Variants in TMEM176B observed in about 807,000 individuals in gnomAD.
TMEM176B encodes the protein transmembrane protein 176B, also known as LR8-like protein.
TMEM176B carries 28 observed loss-of-function variants against 30.3 expected under a neutral mutation model. That is an observed-to-expected ratio of 0.92 (90% confidence interval 0.68 to 1.27). The LOEUF is 1.27. TMEM176B is among the 50% of genes most tolerant of loss of function. TMEM176B has a pLI of 0.00. For synonymous variants in TMEM176B, 123 were observed against 130.3 expected, an observed-to-expected ratio of 0.94 and a Z score of 0.38; for missense variants, 349 against 327.4, an observed-to-expected ratio of 1.07 and a Z score of -0.51.
rs200612728 is a variant in TMEM176B, at chr7:150,792,025, G to A, written c.720+31C>T. On this transcript the variant is annotated intron_variant, in intron 6 of 6. Coordinates refer to ENST00000326442, the MANE Select transcript of TMEM176B (RefSeq NM_001101312.2). ...CCACACACTCACCACCCAGACTCAC[G>A]CTGCCCAGAGGCCCCTCCCCGACAA... 3.2e-5 allele frequency: 52 copies of A among 1,611,648 alleles called. No homozygotes were observed. The Middle Eastern group carries it at 4.9e-4, about 15-fold the overall frequency.
At chr7:150,796,296 G>T in intron 2 of TMEM176B, 70 bp downstream of exon 2, 9 of 1,437,986 alleles carry the variant, frequency 6.3e-6, no homozygotes, top group Non-Finnish European at 8.7e-6. Context: ...TTGAAGATTT[G>T]GCTCTATATT....
Position 150,793,073 on chromosome 7 carries a change from A to G in TMEM176B, c.600+15T>C. On this transcript the variant is annotated intron_variant, in intron 5 of 6. Transcript: ENST00000326442. ...GCTGTGATGGGTCCCCGAAGACTGG[A>G]CTCTTCCTGCTCACCCTCAGCATCT... is the stretch of plus-strand genomic sequence containing the variant. 1 of 1,612,832 alleles carries G rather than the reference A, an allele frequency of 6.2e-7. No homozygotes were observed. Among genetic ancestry groups the G allele is most frequent in the East Asian group, 2.2e-5 (1 of 44,816 alleles).
intron 5 of TMEM176B, among the ~76,000 whole-genome samples, chr7:150,792,611 G>A (rs1050881163): frequency 2.0e-5 from 3 of 152,110 alleles, no homozygotes; most frequent in South Asian, 2.1e-4. Flanking sequence ...GCTGAGCTCC[G>A]GACCATGCAA....
At chr7:150,794,155 C>T (rs1798430758) in intron 2 of TMEM176B, 84 bp from the exon 3 acceptor site, 1 of 970,592 alleles carries the variant, frequency 1.0e-6, no homozygotes, top group Non-Finnish European at 1.6e-6. Flanking sequence ...TGGCTCCTAC[C>T]TAGGTGGCTC....
intron 1 of TMEM176B, among the ~76,000 whole-genome samples, chr7:150,798,991 C>T (rs1464331666): frequency 1.3e-5 from 2 of 152,154 alleles, no homozygotes; most frequent in Non-Finnish European, 2.9e-5. Context: ...CTAGCTCTTA[C>T]ACTTTTAAAG....
chr7:150,791,884 T>C (rs1316372594), intron 6 of TMEM176B, among the ~76,000 whole-genome samples, 172 bp downstream of exon 6: 3 of 151,788 alleles, frequency 2.0e-5, no homozygotes, highest in African/African-American at 7.3e-5. Flanking sequence ...CCCAGGACCA[T>C]GGTGATGGCC....
rs779199175 is a variant in TMEM176B at position 150,792,167 on chromosome 7, GAAC to G, written c.606_608del (p.Leu202del). The G allele has an allele frequency of 6.8e-6, 11 of 1,613,594 alleles. No individual in the cohort carries two copies. Among genetic ancestry groups the G allele is most frequent in the Non-Finnish European group, 9.3e-6 (11 of 1,179,802 alleles). On this transcript the variant is annotated inframe_deletion, in exon 6 of 7. Coordinates refer to ENST00000326442, the MANE Select transcript of TMEM176B (RefSeq NM_001101312.2). ...CCAGGAACAGGGCACGGATTGCTGT[GAAC>G]AACTTCTGGAGATAAGGGAAGAACA...
chr7:150,799,367 G>T (rs915945613), intron 1 of TMEM176B, among the ~76,000 whole-genome samples: 1 of 152,192 alleles, frequency 6.6e-6, no homozygotes, highest in Non-Finnish European at 1.5e-5. Context: ...TGCTAATTGG[G>T]CTGTTTCATG....
At chr7:150,801,257 GAC>G, upstream of TMEM176B, 1 of 302,704 alleles carries the variant, frequency 3.3e-6, no homozygotes, top group Non-Finnish European at 6.0e-6. Context: ...GCTTGACCCA[GAC>G]GCCAGGGCCC....
At chr7:150,798,848 A>G (rs1798637177) in intron 1 of TMEM176B, among the ~76,000 whole-genome samples, 1 of 151,986 alleles carries the variant, frequency 6.6e-6, no homozygotes, top group Non-Finnish European at 1.5e-5. Flanking sequence ...TTTCTATGGA[A>G]GTTCTTTATC....
At chr7:150,797,408 C>T (rs1260372746) in intron 1 of TMEM176B, among the ~76,000 whole-genome samples, 1 of 152,118 alleles carries the variant, frequency 6.6e-6, no homozygotes, top group East Asian at 1.9e-4. Flanking sequence ...TAGGGCATTG[C>T]AATGAGAATA....
chr7:150,793,428 C>T (rs1798396864), intron 4 of TMEM176B, 113 bp from the exon 5 acceptor site: 7 of 1,514,194 alleles, frequency 4.6e-6, no homozygotes, highest in Middle Eastern at 1.7e-4. Flanking sequence ...AAACCCTCTC[C>T]TCCCCTCCAA....
chr7:150,793,562 C>T lies in TMEM176B; in HGVS notation c.354G>A (p.Lys118=). The T allele has an allele frequency of 6.2e-7, 1 of 1,613,662 alleles. No individual in the cohort carries two copies. The highest frequency in any genetic ancestry group is 8.5e-7 in the Non-Finnish European group (1 of 1,179,828). Reference sequence around the variant, plus strand: ...GACTCACAGCAAGTTTGCCCGGGTGCTTCTCATGGACAATGGCCCCAGCTC... The same window carrying T: ...GACTCACAGCAAGTTTGCCCGGGTGTTTCTCATGGACAATGGCCCCAGCTC... ...AAGAGAIVHE[K]HPGKLAGYIS... is the part of the protein sequence containing the mutation. The change falls in exon 4 of 7, where the codon AAG becomes AAA. Residue 118 remains lysine, a synonymous_variant. Coordinates refer to ENST00000326442, the MANE Select transcript of TMEM176B (RefSeq NM_001101312.2).
chr7:150,801,009 G>A, upstream of TMEM176B: 1 of 985,538 alleles, frequency 1.0e-6, no homozygotes, highest in African/African-American at 1.7e-5. Flanking sequence ...ACCGCAGCGC[G>A]GTCCTTCACG....
In TMEM176B at chr7:150,800,318, G is replaced by A. The variant is rs1210506274; in HGVS notation, c.-26C>T. On this transcript the variant is annotated 5_prime_UTR_variant, in exon 1 of 7. Transcript: ENST00000326442. ...CTCACCTGCAGTCCTCCGGGAGCCC[G>A]CGGCCGAGCAGAGCGGACACTAGCT... 6.6e-6 allele frequency: 1 copy of A among 152,304 alleles called. No individual in the cohort carries two copies. The highest frequency in any genetic ancestry group is 2.4e-5 in the African/African-American group (1 of 41,458). The allele number at this position is 152,304 out of a possible 1,614,324, so 9.4% of individuals were successfully genotyped here.
chr7:150,792,184 A>G lies in TMEM176B; in HGVS notation c.601-9T>C. The G allele has an allele frequency of 6.2e-7, 1 of 1,612,738 alleles. No individual in the cohort carries two copies. Among genetic ancestry groups the G allele is most frequent in the Non-Finnish European group, 8.5e-7 (1 of 1,179,274 alleles). On this transcript the variant is annotated splice_polypyrimidine_tract_variant and intron_variant, in intron 5 of 6. Transcript: ENST00000326442. ...ATTGCTGTGAACAACTTCTGGAGAT[A>G]AGGGAAGAACAAAGATAGTCAGGTG...
chr7:150,798,624 G>A, intron 1 of TMEM176B, among the ~76,000 whole-genome samples: 1 of 152,000 alleles, frequency 6.6e-6, no homozygotes, highest in East Asian at 1.9e-4. Flanking sequence ...GTTGCCCAGG[G>A]TGGTCTCAAA....
chr7:150,793,357 G>A, intron 4 of TMEM176B, 42 bp from the exon 5 acceptor site: 1 of 1,582,438 alleles, frequency 6.3e-7, no homozygotes, highest in Non-Finnish European at 8.6e-7. Context: ...CCTTCAATCG[G>A]TGGAAGAGTC....
chr7:150,791,752 CAA>C (rs35720994), intron 6 of TMEM176B, 129 bp from the exon 7 acceptor site: 7 of 746,322 alleles, frequency 9.4e-6, no homozygotes, highest in South Asian at 6.5e-5. Flanking sequence ...GCAGATCAGG[CAA>C]AAAAAAAACA....
Sources: gnomAD v4.1 joint callset for allele counts (sites outside exome capture counted in the v4.1 genomes callset) on GRCh38, gnomAD v4.1.1 for gene constraint, MANE v1.5 for transcripts, NCBI Gene and HGNC (gene_info 2026-07-23, HGNC 2026-07-21) for gene names.